Variants in CPEB3 observed in about 807,000 individuals in gnomAD.
CPEB3 encodes the protein cytoplasmic polyadenylation element-binding protein 3.
CPEB3 carries 20 observed loss-of-function variants against 67.2 expected under a neutral mutation model. That is an observed-to-expected ratio of 0.30 (90% CI 0.21 to 0.43). The LOEUF is 0.43. CPEB3 is among the 20% of genes least tolerant of loss of function. The probability of loss-of-function intolerance (pLI) is 1.00; values close to 1 mark genes in which losing one functional copy is unlikely to be tolerated. For synonymous variants in CPEB3, 376 were observed against 393.1 expected, an observed-to-expected ratio of 0.96 and a Z score of 0.51; for missense variants, 746 against 968.6, an observed-to-expected ratio of 0.77 and a Z score of 3.05.
chr10:92,160,517 C>T (rs995714872), intron 4 of CPEB3, among the ~76,000 whole-genome samples: 1 of 152,052 alleles, frequency 6.6e-6, no homozygotes, highest in Non-Finnish European at 1.5e-5. Context: ...TCTCTTTGTC[C>T]CTTCTTCCCA....
intron 7 of CPEB3, among the ~76,000 whole-genome samples, chr10:92,106,829 AAAAAAAAAAAAG>A (rs1246342544): frequency 6.6e-6 from 1 of 150,420 alleles, no homozygotes; most frequent in Non-Finnish European, 1.5e-5. Context: ...AAAAAAAAAA[AAAAAAAAAAAAG>A]AAAGAAAGAA....
At chr10:92,083,875 C>G (rs1843257749) in intron 8 of CPEB3, among the ~76,000 whole-genome samples, 2 of 152,172 alleles carry the variant, frequency 1.3e-5, no homozygotes, top group African/African-American at 4.8e-5. Flanking sequence ...TTCTACACCA[C>G]AGTGGTCTCC....
chr10:92,146,029 T>C (rs1355657266), intron 4 of CPEB3, among the ~76,000 whole-genome samples: 1 of 152,178 alleles, frequency 6.6e-6, no homozygotes, highest in Non-Finnish European at 1.5e-5. Flanking sequence ...TAACTTAAGA[T>C]GTGGGAGTAT....
At chr10:92,289,029 T>C (rs1842667555) in intron 1 of CPEB3, among the ~76,000 whole-genome samples, 2 of 152,154 alleles carry the variant, frequency 1.3e-5, no homozygotes, top group African/African-American at 2.4e-5. Flanking sequence ...GCAGATCACC[T>C]GAGATCAGTT....
chr10:92,213,235 TCTGTCAAGGTAG>T (rs920719693), intron 2 of CPEB3, among the ~76,000 whole-genome samples: 12 of 152,210 alleles, frequency 7.9e-5, no homozygotes, highest in African/African-American at 2.9e-4. Context: ...CTCCTGAGGC[TCTGTCAAGGTAG>T]TGCTTGCTCA....
At chr10:92,238,502 G>A (rs1851647792) in intron 2 of CPEB3, among the ~76,000 whole-genome samples, 1 of 151,888 alleles carries the variant, frequency 6.6e-6, no homozygotes, top group Non-Finnish European at 1.5e-5. Context: ...TGATGTAATT[G>A]ATCTGTATTT....
In CPEB3 at chr10:92,263,824, C is replaced by CTTTT. The variant is rs944946224; in HGVS notation, c.-11-23464_-11-23463insAAAA. ...ACATGCATGAGCCACTGCACCTAGC[C>CTTTT]AGATTTTAAAATTAGTTTTAAAAAT... On this transcript the variant is annotated intron_variant, in intron 1 of 9. Transcript: ENST00000265997. Among the ~76,000 whole-genome samples the CTTTT allele has an allele frequency of 2.1e-4, 32 of 152,226 alleles. No individual in the cohort carries two copies. The South Asian group carries it at 5.8e-3, about 28-fold the overall frequency.
chr10:92,272,886 G>C (rs144618799), intron 1 of CPEB3, among the ~76,000 whole-genome samples: 6 of 152,324 alleles, frequency 3.9e-5, no homozygotes, highest in African/African-American at 7.2e-5. Context: ...CAATGGAGCA[G>C]AGTGGACTGG....
At chr10:92,105,925 C>A (rs1384217526) in intron 7 of CPEB3, among the ~76,000 whole-genome samples, 4 of 151,960 alleles carry the variant, frequency 2.6e-5, no homozygotes, top group African/African-American at 7.3e-5. Context: ...TGGAGTCTCA[C>A]TCTGCCACCC....
At chr10:92,249,883 G>T (rs547992574) in intron 1 of CPEB3, among the ~76,000 whole-genome samples, 8 of 149,722 alleles carry the variant, frequency 5.3e-5, no homozygotes, top group African/African-American at 1.7e-4. Context: ...ATAGCTGGGC[G>T]TGGTGGCAGG....
chr10:92,188,893 A>C lies in CPEB3; in HGVS notation c.1165+3584T>G, dbSNP rs1418965002. 3.3e-5 allele frequency among the ~76,000 whole-genome samples: 5 copies of C among 152,174 alleles called. No individual in the cohort carries two copies. The East Asian group carries it at 9.6e-4, about 29-fold the overall frequency. ...GGGGATGAAATAGAGAAACTTTTAA[A>C]ATTTCCTACAAATATCTTCAAGGCT... On this transcript the variant is annotated intron_variant, in intron 3 of 9. Transcript: ENST00000265997.
At chr10:92,256,515 A>G (rs996485659) in intron 1 of CPEB3, among the ~76,000 whole-genome samples, 10 of 151,470 alleles carry the variant, frequency 6.6e-5, no homozygotes, top group Admixed American at 4.0e-4. Context: ...CAGCCTCCTG[A>G]GTAGCTGGGA....
chr10:92,255,372 A>G (rs1307896445), intron 1 of CPEB3, among the ~76,000 whole-genome samples: 2 of 152,202 alleles, frequency 1.3e-5, no homozygotes, highest in African/African-American at 4.8e-5. Context: ...ACCATTCTAC[A>G]AAAATTGCTC....
intron 6 of CPEB3, among the ~76,000 whole-genome samples, chr10:92,139,173 A>G (rs1236449350): frequency 6.6e-6 from 1 of 151,804 alleles, no homozygotes; most frequent in Non-Finnish European, 1.5e-5. Context: ...GCTACTCGGG[A>G]GGCTGAGGCA....
At chr10:92,254,544 G>T (rs1342258829) in intron 1 of CPEB3, among the ~76,000 whole-genome samples, 1 of 152,166 alleles carries the variant, frequency 6.6e-6, no homozygotes, top group Non-Finnish European at 1.5e-5. Context: ...CTCTCTGTTT[G>T]TTAGTCTTGG....
At chr10:92,091,036 G>A (rs1843595326) in intron 8 of CPEB3, among the ~76,000 whole-genome samples, 1 of 152,154 alleles carries the variant, frequency 6.6e-6, no homozygotes, top group Admixed American at 6.5e-5. Flanking sequence ...GGAACTTTCA[G>A]AATTAAGTTT....
chr10:92,288,702 C>CACA (rs1467911510), intron 1 of CPEB3, among the ~76,000 whole-genome samples: 1 of 152,138 alleles, frequency 6.6e-6, no homozygotes, highest in Non-Finnish European at 1.5e-5. Context: ...GGTCAAGGTG[C>CACA]ACAAGTCTTT....
At chr10:92,081,182 G>A (rs1267632057) in intron 9 of CPEB3, 138 bp downstream of exon 9, 1 of 875,696 alleles carries the variant, frequency 1.1e-6, no homozygotes, top group African/African-American at 1.7e-5. Context: ...TTTTCAGGCA[G>A]CCTAGATGAA....
chr10:92,269,808 T>G (rs1365331864), intron 1 of CPEB3, among the ~76,000 whole-genome samples: 1 of 152,110 alleles, frequency 6.6e-6, no homozygotes, highest in Admixed American at 6.6e-5. Flanking sequence ...TCCGCCCACC[T>G]CAGCATCCCA....
Sources: allele counts gnomAD v4.1 joint callset (sites outside exome capture counted in the v4.1 genomes callset), GRCh38; gene constraint gnomAD v4.1.1; transcripts MANE v1.5; gene names NCBI Gene and HGNC (gene_info 2026-07-23, HGNC 2026-07-21).